The following ARHGDIA variants were observed in gnomAD, a reference collection of about 807,000 sequenced individuals.
The protein encoded by ARHGDIA is rho GDP-dissociation inhibitor 1.
A neutral mutation model predicts 25.0 loss-of-function variants in ARHGDIA; 9 were observed. The ratio of observed to expected loss-of-function variants is 0.36; its 90% CI spans 0.22 to 0.63. ARHGDIA has a LOEUF of 0.63. Among genes scored for constraint, ARHGDIA ranks in the 20% least tolerant of loss-of-function variants. ARHGDIA has a pLI of 0.69. For synonymous variants in ARHGDIA, 166 were observed against 111.5 expected (o/e 1.49, Z -3.08); for missense variants, 239 against 264.3 (o/e 0.90, Z 0.66).
Position 81,868,473 on chromosome 17 carries a change from G to C in ARHGDIA, c.*403C>G. The C allele has an allele frequency of 6.6e-7, 1 of 1,519,634 alleles. No homozygotes were observed. The highest frequency in any genetic ancestry group is 8.8e-7 in the Non-Finnish European group (1 of 1,137,084). 94.1% of individuals were successfully genotyped at this position (1,519,634 alleles called of 1,614,324 possible). On this transcript the variant is annotated 3_prime_UTR_variant, in exon 6 of 6. Coordinates refer to ENST00000269321, the MANE Select transcript of ARHGDIA (RefSeq NM_004309.6). ...ACGAGGCCGTGCATCCCACACCCCA[G>C]CTCCACCCCGGAGCAGCAGACGCAC... is the stretch of plus-strand genomic sequence containing the variant.
In ARHGDIA at chr17:81,868,443, C is replaced by T; in HGVS notation, c.*433G>A. On this transcript the variant is annotated 3_prime_UTR_variant, in exon 6 of 6. Coordinates refer to ENST00000269321, the MANE Select transcript of ARHGDIA (RefSeq NM_004309.6). ...GCAGCGGGGCTGGAGGACGGCCCGG[C>T]CCCCACGAGGCCGTGCATCCCACAC... 1 of 1,476,424 alleles carries T rather than the reference C, an allele frequency of 6.8e-7. No individual in the cohort carries two copies. Among genetic ancestry groups the T allele is most frequent in the South Asian group, 1.3e-5 (1 of 75,684 alleles). The allele number at this position is 1,476,424 out of a possible 1,614,324, so 91.5% of individuals were successfully genotyped here. A position where few individuals can be genotyped will look rare whatever the true frequency, so the allele number is the denominator to read the frequency against.
At position 81,870,227 on chromosome 17, in the gene ARHGDIA, G is replaced by A. The variant is rs2039248440; in HGVS notation, c.-27-270C>T. ...CCCCTCCACGATGGAGGAGGCAGCA[G>A]CCCCCTGTATGTGTGGGGCGGGGCT... On this transcript the variant is annotated intron_variant, in intron 1 of 5. Coordinates refer to ENST00000269321, the MANE Select transcript of ARHGDIA (RefSeq NM_004309.6). The A allele has an allele frequency of 7.0e-6, 3 of 427,594 alleles. No homozygotes were observed. In the South Asian group the frequency reaches 8.8e-5, roughly 13 times the overall value. 26.5% of individuals were successfully genotyped at this position (427,594 alleles called of 1,614,324 possible).
intron 1 of ARHGDIA, chr17:81,870,232 CTGTA>C: frequency 2.4e-6 from 1 of 415,658 alleles, no homozygotes; most frequent in South Asian, 3.1e-5. Context: ...CAGCAGCCCC[CTGTA>C]TGTGTGGGGC....
intron 1 of ARHGDIA, chr17:81,870,774 G>A (rs1040676745): frequency 7.2e-5 from 11 of 152,066 alleles, no homozygotes; most frequent in East Asian, 5.9e-4. Context: ...GCCGCGCGAG[G>A]ATAGCCGTAG....
intron 1 of ARHGDIA, chr17:81,870,215 G>A (rs914610586): frequency 2.2e-6 from 1 of 449,134 alleles, no homozygotes; most frequent in Non-Finnish European, 4.1e-6. Flanking sequence ...CTCCACGATG[G>A]AGGAGGCAGC....
In ARHGDIA at chr17:81,868,539, C is replaced by G. The variant is rs1214788123; in HGVS notation, c.*337G>C. On this transcript the variant is annotated 3_prime_UTR_variant, in exon 6 of 6. Transcript: ENST00000269321. ...CACGGGGCCTGGAGAATGGCTGCTC[C>G]GCTCCCTCCTGAAGCCAGGCCTCGG... 5 of 1,533,198 alleles carry G rather than the reference C, an allele frequency of 3.3e-6. No homozygotes were observed. In the East Asian group the frequency reaches 7.3e-5, roughly 23 times the overall value. 95.0% of individuals were successfully genotyped at this position (1,533,198 alleles called of 1,614,324 possible). A position where few individuals can be genotyped will look rare whatever the true frequency, so the allele number is the denominator to read the frequency against.
chr17:81,869,790 G>A lies in ARHGDIA; in HGVS notation c.141C>T (p.Ser47=), dbSNP rs2039226162. ...EIQELDKDDE[S]LRKYKEALLG... is the part of the protein sequence containing the mutation. ...GCAGGGCCTCCTTGTACTTTCGCAG[G>A]CTCTCGTCGTCCTTGTCCAGCTCCT... is the stretch of plus-strand genomic sequence containing the variant. The change falls in exon 2 of 6, where the codon AGC becomes AGT. Residue 47 remains serine (S), a synonymous_variant. Transcript: ENST00000269321. 1.2e-6 allele frequency: 2 copies of A among 1,613,996 alleles called. No homozygotes were observed. Among genetic ancestry groups the A allele is most frequent in the South Asian group, 1.1e-5 (1 of 91,080 alleles).
chr17:81,869,394 C>T lies in ARHGDIA; in HGVS notation c.287G>A (p.Ser96Asn). Residue 96 changes from serine (S) to asparagine (N), a missense_variant, in exon 4 of 6, where the codon AGC (serine) becomes AAC (asparagine). By Grantham distance (46) the Ser-to-Asn change is conservative. Transcript: ENST00000269321. ...LELDLTGDLE[S>N]FKKQSFVLKE... The stretch of plus-strand genomic sequence containing the variant: ...CAGCACAAACGACTGCTTCTTGAAG[C>T]TCTCCAGGTCGCCTGTTGGGGGGAC... The T allele has an allele frequency of 6.2e-7, 1 of 1,613,956 alleles. No individual in the cohort carries two copies.
chr17:81,869,585 C>G lies in ARHGDIA; in HGVS notation c.231G>C (p.Leu77=). 3 of 1,535,530 alleles carry G rather than the reference C, an allele frequency of 2.0e-6. No homozygotes were observed. Among genetic ancestry groups the G allele is most frequent in the Non-Finnish European group, 2.6e-6 (3 of 1,144,304 alleles). ...GGGGGCCCGGGGCCGAGCTGCACAC[C>G]AGGGTCAGGCCAGTCACCACGACGT... ...VPNVVVTGLT[L]VCSSAPGPLE... Residue 77 remains leucine, a synonymous_variant, in exon 3 of 6, where the codon CTG becomes CTC. Coordinates refer to ENST00000269321, the MANE Select transcript of ARHGDIA (RefSeq NM_004309.6).
rs2039213472 is a variant in ARHGDIA, at chr17:81,869,640, C to G, written c.191-15G>C. On this transcript the variant is annotated splice_polypyrimidine_tract_variant and intron_variant, in intron 2 of 5. Coordinates refer to ENST00000269321, the MANE Select transcript of ARHGDIA (RefSeq NM_004309.6). The stretch of plus-strand genomic sequence containing the variant: ...GACGTTGGGGTCTGGGGAGTGACAG[C>G]AGGTGAGGGCCCCACCCCCACCAGT... 7.3e-6 allele frequency: 11 copies of G among 1,516,136 alleles called. No homozygotes were observed. The highest frequency in any genetic ancestry group is 9.7e-6 in the Non-Finnish European group (11 of 1,132,700). The allele number at this position is 1,516,136 out of a possible 1,614,324, so 93.9% of individuals were successfully genotyped here. A position where few individuals can be genotyped will look rare whatever the true frequency, so the allele number is the denominator to read the frequency against.
At position 81,868,718 on chromosome 17, in the gene ARHGDIA, G is replaced by C; in HGVS notation, c.*158C>G. ...GGGGGAGGGCTGAGGAGGGGGGTCG[G>C]AGGCACTCGGTTGAGCCAGGCCAGG... is the stretch of plus-strand genomic sequence containing the variant. On this transcript the variant is annotated 3_prime_UTR_variant, in exon 6 of 6. Transcript: ENST00000269321. 1 of 1,533,682 alleles carries C rather than the reference G, an allele frequency of 6.5e-7. No homozygotes were observed. Among genetic ancestry groups the C allele is most frequent in the East Asian group, 2.4e-5 (1 of 40,896 alleles).
rs1243165884 is a variant in ARHGDIA at position 81,869,832 on chromosome 17, C to T, written c.99G>A (p.Lys33=). The stretch of plus-strand genomic sequence containing the variant: ...CCAGCTCCTGGATCTCCTGGATGCT[C>T]TTCTGGGCCGGGGGCTTGTAGTTGA... ...HSVNYKPPAQ[K]SIQEIQELDK... The change falls in exon 2 of 6, where the codon AAG becomes AAA. Residue 33 remains lysine (K), a synonymous_variant. Transcript: ENST00000269321. The T allele has an allele frequency of 6.2e-7, 1 of 1,614,166 alleles. No individual in the cohort carries two copies. The highest frequency in any genetic ancestry group is 2.2e-5 in the East Asian group (1 of 44,894).
In ARHGDIA at chr17:81,868,039, G is replaced by T; in HGVS notation, c.*837C>A. On this transcript the variant is annotated 3_prime_UTR_variant, in exon 6 of 6. Transcript: ENST00000269321. The stretch of plus-strand genomic sequence containing the variant: ...TGGGGTGAGTGAGGCTGTCCATCGA[G>T]GGCTCTTGGGGGGGTGTGGGCTCTG... 1 of 249,890 alleles carries T rather than the reference G, an allele frequency of 4.0e-6. No homozygotes were observed. The highest frequency in any genetic ancestry group is 7.1e-5 in the East Asian group (1 of 14,170). 15.5% of individuals were successfully genotyped at this position (249,890 alleles called of 1,614,324 possible).
At chr17:81,870,130 C>T (rs2039244057) in intron 1 of ARHGDIA, 173 bp from the exon 2 acceptor site, 1 of 617,500 alleles carries the variant, frequency 1.6e-6, no homozygotes, top group African/African-American at 1.8e-5. Flanking sequence ...GTGTGAGGTG[C>T]CCCCACCCCA....
At position 81,868,078 on chromosome 17, in the gene ARHGDIA, GAGAC is replaced by G. The variant is rs531506084; in HGVS notation, c.*794_*797del. ...GTGTGGGCTCTGGGCACTGCCCGCT[GAGAC>G]AGAAAAGGCAGAGGCAGGACAATAC... is the stretch of plus-strand genomic sequence containing the variant. On this transcript the variant is annotated 3_prime_UTR_variant, in exon 6 of 6. Coordinates refer to ENST00000269321, the MANE Select transcript of ARHGDIA (RefSeq NM_004309.6). 1,985 of 334,314 alleles carry G rather than the reference GAGAC, an allele frequency of 5.9e-3. 31 individuals are homozygous for G. Among genetic ancestry groups the G allele is most frequent in the African/African-American group, 0.039 (1,864 of 47,258 alleles). The allele number at this position is 334,314 out of a possible 1,614,324, so 20.7% of individuals were successfully genotyped here.
chr17:81,869,692 A>T, intron 2 of ARHGDIA, 49 bp downstream of exon 2: 7 of 1,569,150 alleles, frequency 4.5e-6, no homozygotes, highest in Non-Finnish European at 6.0e-6. Context: ...GAGCGGCAAG[A>T]CAGCTGGAGT....
At position 81,869,591 on chromosome 17, in the gene ARHGDIA, C is replaced by A; in HGVS notation, c.225G>T (p.Leu75=). 1 of 1,528,938 alleles carries A rather than the reference C, an allele frequency of 6.5e-7. No individual in the cohort carries two copies. The highest frequency in any genetic ancestry group is 1.3e-5 in the South Asian group (1 of 78,138). 94.7% of individuals were successfully genotyped at this position (1,528,938 alleles called of 1,614,324 possible). A position where few individuals can be genotyped will look rare whatever the true frequency, so the allele number is the denominator to read the frequency against. Residue 75 remains leucine (L), a synonymous_variant, in exon 3 of 6, where the codon CTG becomes CTT. Coordinates refer to ENST00000269321, the MANE Select transcript of ARHGDIA (RefSeq NM_004309.6). ...PNVPNVVVTG[L]TLVCSSAPGP... ...CCGGGGCCGAGCTGCACACCAGGGT[C>A]AGGCCAGTCACCACGACGTTGGGGA...
Position 81,868,495 on chromosome 17 carries a change from G to C in ARHGDIA, c.*381C>G, listed in dbSNP as rs1286208850. On this transcript the variant is annotated 3_prime_UTR_variant, in exon 6 of 6. Coordinates refer to ENST00000269321, the MANE Select transcript of ARHGDIA (RefSeq NM_004309.6). Reference sequence around the variant, plus strand: ...CCAGCTCCACCCCGGAGCAGCAGACGCACACGTCCAGGGGCAACCACGGGG... The same window carrying C: ...CCAGCTCCACCCCGGAGCAGCAGACCCACACGTCCAGGGGCAACCACGGGG... The C allele has an allele frequency of 3.3e-6, 5 of 1,526,968 alleles. No individual in the cohort carries two copies. The highest frequency in any genetic ancestry group is 4.4e-6 in the Non-Finnish European group (5 of 1,141,210). 94.6% of individuals were successfully genotyped at this position (1,526,968 alleles called of 1,614,324 possible). A position where few individuals can be genotyped will look rare whatever the true frequency, so the allele number is the denominator to read the frequency against.
At chr17:81,871,187 A>G (rs2039286806) in intron 1 of ARHGDIA, 111 bp downstream of exon 1, 1 of 141,656 alleles carries the variant, frequency 7.1e-6, no homozygotes, top group Admixed American at 6.9e-5. Flanking sequence ...CGGGGCGCGA[A>G]CAAAGGCGGA....
Sources: allele counts gnomAD v4.1 joint callset, GRCh38; gene constraint gnomAD v4.1.1; transcripts MANE v1.5; gene names NCBI Gene and HGNC (gene_info 2026-07-23, HGNC 2026-07-21).